ABHD12: variants seen among roughly 807,000 people sequenced by gnomAD.
ABHD12 encodes abhydrolase domain containing 12, lysophospholipase.
In ABHD12, 43 loss-of-function variants were observed where a neutral mutation model predicts 58.3. That is an observed-to-expected ratio of 0.74 (90% CI 0.58 to 0.95). ABHD12 has a LOEUF of 0.95. Among genes scored for constraint, ABHD12 ranks in the 40% least tolerant of loss-of-function variants. ABHD12 has a pLI of 0.00. For synonymous variants in ABHD12, 219 were observed against 211.2 expected (o/e 1.04, Z -0.32); for missense variants, 539 against 537.2 (o/e 1.00, Z -0.03).
At position 25,308,031 on chromosome 20, in the gene ABHD12, C is replaced by A. The variant is rs186440319; in HGVS notation, c.802G>T (p.Ala268Ser). ...GTGAATGGAGATTCCAATATAAGGG[C>A]ATCTGGAGGCGTCTCTAGATAAACA... The part of the protein sequence containing the change: ...RLCERETPPD[A>S]LILESPFTNI... The change falls in exon 9 of 13, where the codon GCC becomes TCC. Residue 268 changes from alanine (A) to serine (S), a missense_variant. By Grantham distance (99) the Ala-to-Ser change is moderately conservative (BLOSUM62 1). Coordinates refer to ENST00000339157, the MANE Select transcript of ABHD12 (RefSeq NM_001042472.3). 123 of 1,606,140 alleles carry A rather than the reference C, an allele frequency of 7.7e-5. No individual in the cohort carries two copies. The East Asian group carries it at 2.6e-3, about 34-fold the overall frequency.
intron 6 of ABHD12, among the ~76,000 whole-genome samples, chr20:25,313,577 TAAAAA>T (rs1307155185): frequency 6.7e-4 from 30 of 45,094 alleles, no homozygotes; most frequent in Non-Finnish European, 9.8e-4. Flanking sequence ...GAATGATCAA[TAAAAA>T]TAAAATAAAA....
chr20:25,361,961 C>T (rs997579289), intron 1 of ABHD12, among the ~76,000 whole-genome samples: 1 of 149,828 alleles, frequency 6.7e-6, no homozygotes, highest in Non-Finnish European at 1.5e-5. Context: ...TCTCAAAACA[C>T]ACACACACAA....
intron 1 of ABHD12, among the ~76,000 whole-genome samples, chr20:25,387,239 C>T (rs1243585925): frequency 1.9e-4 from 29 of 152,126 alleles, no homozygotes; most frequent in Admixed American, 1.8e-3. Flanking sequence ...TATTATTTAA[C>T]TTTGTTCTAG....
At chr20:25,357,746 C>T (rs887409433) in intron 1 of ABHD12, among the ~76,000 whole-genome samples, 4 of 152,168 alleles carry the variant, frequency 2.6e-5, no homozygotes, top group African/African-American at 7.2e-5. Flanking sequence ...TGCAGTGGCT[C>T]ACACCTGTAA....
intron 2 of ABHD12, among the ~76,000 whole-genome samples, chr20:25,331,348 C>T (rs911032355): frequency 5.3e-5 from 8 of 152,192 alleles, no homozygotes; most frequent in South Asian, 2.1e-4. Flanking sequence ...CTGAAAGTGA[C>T]GGGGAGAATG....
intron 2 of ABHD12, among the ~76,000 whole-genome samples, chr20:25,330,870 A>G (rs1324985220): frequency 6.6e-6 from 1 of 152,238 alleles, no homozygotes; most frequent in Non-Finnish European, 1.5e-5. Context: ...GGGAAAAAAA[A>G]GAGCAGAAAA....
chr20:25,335,389 G>T (rs1348929719), intron 2 of ABHD12, among the ~76,000 whole-genome samples: 46 of 150,072 alleles, frequency 3.1e-4, no homozygotes, highest in Non-Finnish European at 5.9e-4. Flanking sequence ...CATTGTGGAA[G>T]TCAGTGTGGG....
intron 2 of ABHD12, among the ~76,000 whole-genome samples, chr20:25,323,774 G>A (rs1300783962): frequency 6.6e-6 from 1 of 152,164 alleles, no homozygotes; most frequent in Non-Finnish European, 1.5e-5. Flanking sequence ...TGCAAATGAG[G>A]GAAGGAAAGA....
At chr20:25,369,513 C>A (rs2089870267) in intron 1 of ABHD12, among the ~76,000 whole-genome samples, 1 of 152,112 alleles carries the variant, frequency 6.6e-6, no homozygotes, top group African/African-American at 2.4e-5. Flanking sequence ...CCACACAAGG[C>A]TTTAGGGTTT....
At chr20:25,305,963 C>G (rs981759885) in intron 10 of ABHD12, among the ~76,000 whole-genome samples, 1 of 151,980 alleles carries the variant, frequency 6.6e-6, no homozygotes, top group Non-Finnish European at 1.5e-5. Flanking sequence ...ATCAGGAGTT[C>G]GAGACCAGCC....
intron 9 of ABHD12, 91 bp from the exon 10 acceptor site, chr20:25,307,006 AT>A: frequency 1.0e-6 from 1 of 960,494 alleles, no homozygotes; most frequent in Admixed American, 1.9e-5. Context: ...TCAGAAATCT[AT>A]AAGGCGTTGC....
At chr20:25,334,359 C>G (rs1345154131) in intron 2 of ABHD12, among the ~76,000 whole-genome samples, 1 of 149,216 alleles carries the variant, frequency 6.7e-6, no homozygotes, top group Non-Finnish European at 1.5e-5. Flanking sequence ...GAATCAATAT[C>G]GTGAAAATGG....
chr20:25,329,692 A>G (rs1415731759), intron 2 of ABHD12, among the ~76,000 whole-genome samples: 5 of 152,208 alleles, frequency 3.3e-5, no homozygotes, highest in African/African-American at 1.2e-4. Context: ...ACAGGGGGCT[A>G]AGTCTCATTC....
intron 1 of ABHD12, among the ~76,000 whole-genome samples, chr20:25,341,592 T>C (rs1299350710): frequency 3.4e-4 from 51 of 152,174 alleles, no homozygotes; most frequent in Non-Finnish European, 1.5e-5. Flanking sequence ...ACCTCCTTTG[T>C]GTAGGTTCCT....
chr20:25,350,369 T>G (rs1189750661), intron 1 of ABHD12, among the ~76,000 whole-genome samples: 2 of 152,200 alleles, frequency 1.3e-5, no homozygotes, highest in African/African-American at 4.8e-5. Context: ...ATGATCCCCA[T>G]GTGTCAAAAG....
intron 1 of ABHD12, among the ~76,000 whole-genome samples, chr20:25,385,063 C>A (rs945991590): frequency 2.6e-5 from 4 of 151,764 alleles, no homozygotes; most frequent in Admixed American, 2.0e-4. Flanking sequence ...GCAGGCCAGG[C>A]GCGGTGGCTC....
chr20:25,381,640 T>C (rs533103155), intron 1 of ABHD12, among the ~76,000 whole-genome samples: 233 of 151,754 alleles, frequency 1.5e-3, no homozygotes, highest in African/African-American at 5.2e-3. Flanking sequence ...TTTTTTTTTT[T>C]TCCTTGTTTT....
At chr20:25,314,466 C>A (rs1048559852) in intron 6 of ABHD12, among the ~76,000 whole-genome samples, 3 of 151,962 alleles carry the variant, frequency 2.0e-5, no homozygotes, top group Non-Finnish European at 2.9e-5. Context: ...TCGCTTGAGG[C>A]CAGGAGTCTG....
At chr20:25,368,329 G>T (rs1465087095) in intron 1 of ABHD12, 30 of 1,548,600 alleles carry the variant, frequency 1.9e-5, no homozygotes, top group Non-Finnish European at 2.6e-5. Context: ...TGCCATTCCT[G>T]GAACCACAGC....
Sources: allele counts gnomAD v4.1 joint callset (sites outside exome capture counted in the v4.1 genomes callset), GRCh38; gene constraint gnomAD v4.1.1; transcripts MANE v1.5; gene names NCBI Gene and HGNC (gene_info 2026-07-23, HGNC 2026-07-21).